Variants in TAF2 observed in about 807,000 individuals in gnomAD.
TAF2 encodes the protein TATA-box binding protein associated factor 2.
In TAF2, 61 loss-of-function variants were observed where a neutral mutation model predicts 138.5. The observed-to-expected ratio is 0.44, with a 90% CI of 0.36 to 0.54. The LOEUF (loss-of-function observed/expected upper bound fraction) is 0.54, where lower values mean the gene tolerates loss of function less well. Ranked by LOEUF, TAF2 falls within the 20% of genes least tolerant of loss-of-function variation. The probability of loss-of-function intolerance (pLI) is 0.00; values close to 1 mark genes in which losing one functional copy is unlikely to be tolerated. For missense variants in TAF2, 1,090 were observed against 1,427.9 expected (o/e 0.76, Z 3.81); for synonymous variants, 475 against 469.9 (o/e 1.01, Z -0.14).
chr8:119,830,858 C>T (rs1000649353), intron 2 of TAF2, among the ~76,000 whole-genome samples: 2 of 152,162 alleles, frequency 1.3e-5, no homozygotes, highest in African/African-American at 4.8e-5. Context: ...GTAATCCCAG[C>T]ATTTTGGGAG....
chr8:119,778,759 T>C (rs921433899), intron 17 of TAF2, among the ~76,000 whole-genome samples: 1 of 152,206 alleles, frequency 6.6e-6, no homozygotes, highest in Non-Finnish European at 1.5e-5. Flanking sequence ...ATTTTTCTCT[T>C]TCCAAATTTT....
intron 7 of TAF2, among the ~76,000 whole-genome samples, chr8:119,797,371 T>C (rs937051825): frequency 6.6e-6 from 1 of 152,090 alleles, no homozygotes; most frequent in African/African-American, 2.4e-5. Flanking sequence ...ATACTAGTCA[T>C]ACAATAATTT....
intron 18 of TAF2, among the ~76,000 whole-genome samples, chr8:119,764,019 C>T (rs1158349315): frequency 2.7e-5 from 4 of 147,798 alleles, no homozygotes; most frequent in Admixed American, 1.4e-4. Context: ...TGTGGTGGCA[C>T]ACGCCTATAA....
chr8:119,819,579 C>T, intron 2 of TAF2, 73 bp from the exon 3 acceptor site: 1 of 1,233,024 alleles, frequency 8.1e-7, no homozygotes, highest in Non-Finnish European at 1.2e-6. Flanking sequence ...TTATTTTTAC[C>T]ACTTGTACAC....
rs1818839813 is a variant in TAF2, at chr8:119,730,821, A to G, written c.*1103T>C. ...AAACAAGTTAAACACAACTAAAAGT[A>G]TATTTAGAGGTCCAAGATTCAAGTA... On this transcript the variant is annotated 3_prime_UTR_variant, in exon 26 of 26. Coordinates refer to ENST00000378164, the MANE Select transcript of TAF2 (RefSeq NM_003184.4). The G allele has an allele frequency of 6.6e-6, 1 of 152,252 alleles. No individual in the cohort carries two copies. Among genetic ancestry groups the G allele is most frequent in the African/African-American group, 2.4e-5 (1 of 41,474 alleles). The allele number at this position is 152,252 out of a possible 1,614,324, so 9.4% of individuals were successfully genotyped here.
At position 119,760,732 on chromosome 8, in the gene TAF2, CA is replaced by C; in HGVS notation, c.2564del (p.Leu855Ter). On this transcript the variant is annotated frameshift_variant, in exon 20 of 26. Transcript: ENST00000378164. LOFTEE classifies it high-confidence loss of function. Reference protein sequence around the residue: ...SYRHTITVSCLRAIRVLQKNG... With the variant: ...SYRHTITVSCXRAIRVLQKNG... ...TCTTCTGAAGTACCCGTATGGCTCTCAAACAACTAGGGAAAAAAATACGTAT... is the reference window on the plus strand; with the variant it reads ...TCTTCTGAAGTACCCGTATGGCTCTCAACAACTAGGGAAAAAAATACGTAT... The C allele has an allele frequency of 6.2e-7, 1 of 1,613,798 alleles. No homozygotes were observed. Among genetic ancestry groups the C allele is most frequent in the Non-Finnish European group, 8.5e-7 (1 of 1,179,886 alleles).
chr8:119,818,526 T>C (rs1202966972), intron 3 of TAF2, among the ~76,000 whole-genome samples: 2 of 152,128 alleles, frequency 1.3e-5, no homozygotes, highest in Admixed American at 6.6e-5. Flanking sequence ...ATTTAAACAC[T>C]AGGGCACAAT....
At chr8:119,761,854 A>G (rs1427079002) in intron 19 of TAF2, 1 of 152,338 alleles carries the variant, frequency 6.6e-6, no homozygotes, top group African/African-American at 2.4e-5. Flanking sequence ...AAGTGTCATT[A>G]TACTTGTTAC....
intron 22 of TAF2, 67 bp downstream of exon 22, chr8:119,755,939 G>GA: frequency 2.3e-6 from 3 of 1,287,138 alleles, no homozygotes; most frequent in South Asian, 1.2e-5. Context: ...CTATTGAATT[G>GA]AAAATCTGTT....
intron 14 of TAF2, among the ~76,000 whole-genome samples, chr8:119,785,815 G>T (rs1822972581): frequency 6.6e-6 from 1 of 152,174 alleles, no homozygotes; most frequent in Non-Finnish European, 1.5e-5. Flanking sequence ...AACAGGAACA[G>T]AGAAAACTTT....
intron 21 of TAF2, among the ~76,000 whole-genome samples, chr8:119,757,146 GT>G (rs1220083713): frequency 6.6e-6 from 1 of 152,154 alleles, no homozygotes; most frequent in Non-Finnish European, 1.5e-5. Flanking sequence ...TGTAGTGTAA[GT>G]AATTTAACCC....
In TAF2 at chr8:119,832,612, G is replaced by C. The variant is rs749215766; in HGVS notation, c.-48C>G. On this transcript the variant is annotated 5_prime_UTR_variant, in exon 1 of 26. Transcript: ENST00000378164. The stretch of plus-strand genomic sequence containing the variant: ...CTTCCCGGCTTCCTAGGGGGATACG[G>C]GGCATTACTAGTCTTTGGCACCTCA... 52 of 1,569,002 alleles carry C rather than the reference G, an allele frequency of 3.3e-5. No individual in the cohort carries two copies. Among genetic ancestry groups the C allele is most frequent in the Non-Finnish European group, 4.4e-5 (51 of 1,146,530 alleles).
intron 22 of TAF2, among the ~76,000 whole-genome samples, chr8:119,748,159 G>C (rs1255183201): frequency 6.6e-6 from 1 of 151,560 alleles, no homozygotes; most frequent in Non-Finnish European, 1.5e-5. Flanking sequence ...AGGGAGGGAA[G>C]GGGGAGGGAA....
intron 17 of TAF2, 136 bp downstream of exon 17, chr8:119,780,917 A>C (rs1822599987): frequency 1.1e-6 from 1 of 905,928 alleles, no homozygotes; most frequent in African/African-American, 1.7e-5. Flanking sequence ...CCTGGGCGAC[A>C]GAGTGAGACT....
At chr8:119,803,742 A>G in intron 5 of TAF2, 136 bp downstream of exon 5, 1 of 927,474 alleles carries the variant, frequency 1.1e-6, no homozygotes, top group Non-Finnish European at 1.6e-6. Context: ...GACTAACAGA[A>G]AGTAATTTGA....
chr8:119,789,028 G>C (rs576017140), intron 12 of TAF2, 124 bp from the exon 13 acceptor site: 61 of 694,578 alleles, frequency 8.8e-5, no homozygotes, highest in Admixed American at 1.4e-4. Context: ...GAGAGCATAC[G>C]CTACAGTAAA....
chr8:119,826,567 T>C (rs1200175521), intron 2 of TAF2, among the ~76,000 whole-genome samples: 1 of 152,190 alleles, frequency 6.6e-6, no homozygotes, highest in Non-Finnish European at 1.5e-5. Flanking sequence ...CTGTTTACAT[T>C]TAAAATTAAT....
At chr8:119,814,183 T>C (rs1276195354) in intron 3 of TAF2, among the ~76,000 whole-genome samples, 1 of 151,978 alleles carries the variant, frequency 6.6e-6, no homozygotes, top group African/African-American at 2.4e-5. Flanking sequence ...GAACTGGAAG[T>C]ATTCAAGTAG....
chr8:119,793,357 T>G lies in TAF2; in HGVS notation c.1277+9A>C. The G allele has an allele frequency of 1.9e-6, 3 of 1,607,492 alleles. No homozygotes were observed. The highest frequency in any genetic ancestry group is 2.6e-6 in the Non-Finnish European group (3 of 1,174,348). On this transcript the variant is annotated intron_variant, in intron 10 of 25. Transcript: ENST00000378164. ...GGTTTATAATATCATCTCTGAACAATAAACATACTTATCCTTCTCTTTTCC... is the reference window on the plus strand; with the variant it reads ...GGTTTATAATATCATCTCTGAACAAGAAACATACTTATCCTTCTCTTTTCC...
Sources: allele counts gnomAD v4.1 joint callset (sites outside exome capture counted in the v4.1 genomes callset), GRCh38; gene constraint gnomAD v4.1.1; transcripts MANE v1.5; gene names NCBI Gene and HGNC (gene_info 2026-07-23, HGNC 2026-07-21).